SORCS1: variants seen among roughly 807,000 people sequenced by gnomAD.
SORCS1 encodes VPS10 domain-containing receptor SorCS1.
A neutral mutation model predicts 146.1 loss-of-function variants in SORCS1; 60 were observed. That is an observed-to-expected ratio of 0.41 (90% CI 0.33 to 0.51). The LOEUF (loss-of-function observed/expected upper bound fraction) is 0.51, where lower values mean the gene tolerates loss of function less well. Among genes scored for constraint, SORCS1 ranks in the 20% least tolerant of loss-of-function variants. The probability of loss-of-function intolerance (pLI) is 0.21; values close to 1 mark genes in which losing one functional copy is unlikely to be tolerated. For synonymous variants in SORCS1, 637 were observed against 584.0 expected (o/e 1.09, Z -1.31); for missense variants, 1,352 against 1,487.6 (o/e 0.91, Z 1.50).
intron 1 of SORCS1, among the ~76,000 whole-genome samples, chr10:107,031,418 C>T (rs1012380594): frequency 1.3e-5 from 2 of 152,060 alleles, no homozygotes; most frequent in Non-Finnish European, 2.9e-5. Flanking sequence ...ATAGCCATTT[C>T]AAGAATCAAT....
chr10:106,722,073 C>G (rs10466139), intron 6 of SORCS1, among the ~76,000 whole-genome samples: 3,552 of 149,926 alleles, frequency 0.024, 120 homozygotes, highest in African/African-American at 0.074. Context: ...ACATACTCAT[C>G]TGTATAAGCC....
chr10:106,908,740 A>C (rs1052705892), intron 2 of SORCS1, among the ~76,000 whole-genome samples: 1 of 152,166 alleles, frequency 6.6e-6, no homozygotes, highest in Non-Finnish European at 1.5e-5. Context: ...TCTTTGAGGC[A>C]ATGGAAACTA....
rs998820240 is a variant in SORCS1, at chr10:107,005,287, G to A, written c.559-48707C>T. 5.4e-5 allele frequency among the ~76,000 whole-genome samples: 8 copies of A among 147,244 alleles called. No individual in the cohort carries two copies. In the East Asian group the frequency reaches 1.5e-3, roughly 27 times the overall value. On this transcript the variant is annotated intron_variant, in intron 1 of 25. Transcript: ENST00000263054. Reference sequence around the variant, plus strand: ...TGCAGTGAGCTATGATTGTGCCACTGTATTCCAGGCTGGGTGAGACAGAAC... The same window carrying A: ...TGCAGTGAGCTATGATTGTGCCACTATATTCCAGGCTGGGTGAGACAGAAC...
intron 23 of SORCS1, among the ~76,000 whole-genome samples, chr10:106,602,484 T>G (rs2133351348): frequency 6.7e-6 from 1 of 148,892 alleles, no homozygotes; most frequent in Non-Finnish European, 1.5e-5. Flanking sequence ...AAATTCTAAT[T>G]AACAGTAGCT....
intron 2 of SORCS1, among the ~76,000 whole-genome samples, chr10:106,948,511 A>G (rs943472733): frequency 6.6e-6 from 1 of 152,018 alleles, no homozygotes; most frequent in African/African-American, 2.4e-5. Flanking sequence ...CATCTCTACA[A>G]AAAAATTTAA....
At chr10:107,026,410 G>A (rs917872856) in intron 1 of SORCS1, among the ~76,000 whole-genome samples, 1 of 152,070 alleles carries the variant, frequency 6.6e-6, no homozygotes, top group African/African-American at 2.4e-5. Flanking sequence ...ATGAGGTCAG[G>A]AGATCGAGAC....
chr10:106,848,820 T>G (rs1447830282), intron 2 of SORCS1, among the ~76,000 whole-genome samples: 4 of 145,024 alleles, frequency 2.8e-5, no homozygotes, highest in East Asian at 4.1e-4. Flanking sequence ...GTCTGTAAAG[T>G]ATTTTATTTC....
chr10:107,161,051 A>G (rs1384714021), intron 1 of SORCS1, among the ~76,000 whole-genome samples: 2 of 152,136 alleles, frequency 1.3e-5, no homozygotes, highest in East Asian at 1.9e-4. Context: ...GTTTCCATCA[A>G]TCGAGACTGC....
At chr10:106,605,847 AAAG>A (rs1302192200) in intron 23 of SORCS1, among the ~76,000 whole-genome samples, 1 of 152,150 alleles carries the variant, frequency 6.6e-6, no homozygotes, top group African/African-American at 2.4e-5. Flanking sequence ...TGGCAGCTGA[AAAG>A]AAGGTGTGTG....
At chr10:107,007,905 T>C (rs1957525337) in intron 1 of SORCS1, among the ~76,000 whole-genome samples, 1 of 152,084 alleles carries the variant, frequency 6.6e-6, no homozygotes, top group Non-Finnish European at 1.5e-5. Context: ...GGCCAGGAGG[T>C]GATGAATATA....
chr10:107,013,051 G>C lies in SORCS1; in HGVS notation c.559-56471C>G, dbSNP rs11193164. Reference sequence around the variant, plus strand: ...TCCCTTGGTGGAGTTCCTTAAGGTCGAGGAAACAGCATTCAATTCCATATC... The same window carrying C: ...TCCCTTGGTGGAGTTCCTTAAGGTCCAGGAAACAGCATTCAATTCCATATC... On this transcript the variant is annotated intron_variant, in intron 1 of 25. Transcript: ENST00000263054. Among the ~76,000 whole-genome samples, 1,161 of 152,208 alleles carry C rather than the reference G, an allele frequency of 7.6e-3. 9 individuals carry two copies. Among genetic ancestry groups the C allele is most frequent in the South Asian group, 0.01 (49 of 4,816 alleles).
At chr10:106,638,042 A>G (rs1174121901) in intron 18 of SORCS1, among the ~76,000 whole-genome samples, 1 of 152,142 alleles carries the variant, frequency 6.6e-6, no homozygotes, top group Non-Finnish European at 1.5e-5. Context: ...CTCCCTCTAG[A>G]TATTATGGTA....
chr10:106,877,890 A>C (rs758467754), intron 2 of SORCS1, among the ~76,000 whole-genome samples: 4 of 152,172 alleles, frequency 2.6e-5, no homozygotes, highest in Non-Finnish European at 4.4e-5. Context: ...ATAGTGTCCC[A>C]CTTTTCAGAG....
At chr10:106,807,326 T>C (rs1947239215) in intron 3 of SORCS1, among the ~76,000 whole-genome samples, 1 of 152,168 alleles carries the variant, frequency 6.6e-6, no homozygotes, top group African/African-American at 2.4e-5. Flanking sequence ...GTAAACTGTC[T>C]TTTTTGAAAC....
chr10:106,966,017 T>C (rs1955474884), intron 1 of SORCS1, among the ~76,000 whole-genome samples: 1 of 152,238 alleles, frequency 6.6e-6, no homozygotes, highest in Non-Finnish European at 1.5e-5. Context: ...AAAATCCTCT[T>C]CAGGAACTGA....
chr10:106,773,874 T>C (rs1268984555), intron 4 of SORCS1, among the ~76,000 whole-genome samples: 1 of 151,750 alleles, frequency 6.6e-6, no homozygotes, highest in Non-Finnish European at 1.5e-5. Context: ...GCCTGAACCC[T>C]GGAGGCAGAG....
intron 2 of SORCS1, among the ~76,000 whole-genome samples, chr10:106,906,569 C>T (rs7475085): frequency 9.9e-5 from 15 of 152,150 alleles, no homozygotes; most frequent in South Asian, 4.1e-4. Flanking sequence ...CATCAGATCT[C>T]GCAAGACTTA....
chr10:107,031,726 C>A lies in SORCS1; in HGVS notation c.559-75146G>T, dbSNP rs74154831. ...TTAATTAAACAGTCCTCCCTCCTCG[C>A]CCTGTCAAAGTGCTGGGATTACAGG... On this transcript the variant is annotated intron_variant, in intron 1 of 25. Coordinates refer to ENST00000263054, the MANE Select transcript of SORCS1 (RefSeq NM_052918.5). Among the ~76,000 whole-genome samples, 383 of 152,076 alleles carry A rather than the reference C, an allele frequency of 2.5e-3. 3 individuals carry two copies. The highest frequency in any genetic ancestry group is 8.8e-3 in the African/African-American group (365 of 41,470).
At chr10:106,903,151 C>T (rs1951781248) in intron 2 of SORCS1, among the ~76,000 whole-genome samples, 1 of 152,156 alleles carries the variant, frequency 6.6e-6, no homozygotes, top group Admixed American at 6.5e-5. Flanking sequence ...CCTAATTCAT[C>T]CTCCAAATCT....
Sources: allele counts gnomAD v4.1 joint callset (sites outside exome capture counted in the v4.1 genomes callset), GRCh38; gene constraint gnomAD v4.1.1; transcripts MANE v1.5; gene names NCBI Gene and HGNC (gene_info 2026-07-23, HGNC 2026-07-21).